Variants in ATMIN observed in about 807,000 individuals in gnomAD.
ATMIN encodes ATM INteracting protein.
Under a neutral mutation model 49.2 loss-of-function variants are expected in ATMIN, and 24 were observed. The observed-to-expected ratio is 0.49, with a 90% CI of 0.35 to 0.69. The LOEUF (loss-of-function observed/expected upper bound fraction) is 0.69. ATMIN is among the 30% of genes least tolerant of loss of function. ATMIN has a pLI of 0.00. For synonymous variants in ATMIN, 450 were observed against 392.5 expected, an observed-to-expected ratio of 1.15 and a Z score of -1.73; for missense variants, 1,037 against 1,005.5, an observed-to-expected ratio of 1.03 and a Z score of -0.42.
At chr16:81,042,242 T>C (rs199814840) in intron 2 of ATMIN, 39 bp from the exon 3 acceptor site, 64 of 1,579,950 alleles carry the variant, frequency 4.1e-5, no homozygotes, top group Admixed American at 5.0e-5. Flanking sequence ...TTTGACCAGT[T>C]GCTGTTTTTC....
chr16:81,047,102 TA>T lies in ATMIN; in HGVS notation c.*2135del, dbSNP rs1971134354. ...AAATTTGTTTCTGTGACAATGTTTGTAAATCTAGCCAATAGAGTCATTTACA... is the reference window on the plus strand; with the variant it reads ...AAATTTGTTTCTGTGACAATGTTTGTAATCTAGCCAATAGAGTCATTTACA... On this transcript the variant is annotated 3_prime_UTR_variant, in exon 4 of 4. Coordinates refer to ENST00000299575, the MANE Select transcript of ATMIN (RefSeq NM_015251.3). 1 of 152,662 alleles carries T rather than the reference TA, an allele frequency of 6.6e-6. No individual in the cohort carries two copies. Among genetic ancestry groups the T allele is most frequent in the South Asian group, 2.1e-4 (1 of 4,834 alleles). 9.5% of individuals were successfully genotyped at this position (152,662 alleles called of 1,614,324 possible).
chr16:81,045,487 G>GCCTGGA lies in ATMIN; in HGVS notation c.*521_*526dup, dbSNP rs1343837542. Reference sequence around the variant, plus strand: ...CTTCCATGCTCTTAAGACTCCTGCTGCCTGGACCTTCGTCAGCTTTGACAC... The same window carrying GCCTGGA: ...CTTCCATGCTCTTAAGACTCCTGCTGCCTGGACCTGGACCTTCGTCAGCTTTGACAC... On this transcript the variant is annotated 3_prime_UTR_variant, in exon 4 of 4. Transcript: ENST00000299575. 1 of 152,936 alleles carries GCCTGGA rather than the reference G, an allele frequency of 6.5e-6. No individual in the cohort carries two copies. The highest frequency in any genetic ancestry group is 1.9e-4 in the East Asian group (1 of 5,204). The allele number at this position is 152,936 out of a possible 1,614,324, so 9.5% of individuals were successfully genotyped here.
At position 81,043,233 on chromosome 16, in the gene ATMIN, A is replaced by G; in HGVS notation, c.735A>G (p.Glu245=). Residue 245 remains glutamate, a synonymous_variant, in exon 4 of 4, where the codon GAA becomes GAG. Transcript: ENST00000299575. The stretch of plus-strand genomic sequence containing the variant: ...AGAAGTTATCCAACAAGACCATTGA[A>G]TCATTGAACAACCAACCAATCCCTA... The part of the protein sequence containing the change: ...QNQKLSNKTI[E]SLNNQPIPRP... 6.2e-7 allele frequency: 1 copy of G among 1,614,150 alleles called. No homozygotes were observed. The highest frequency in any genetic ancestry group is 1.6e-4 in the Middle Eastern group (1 of 6,062).
chr16:81,040,355 G>C (rs1488640231), intron 1 of ATMIN, among the ~76,000 whole-genome samples: 1 of 152,156 alleles, frequency 6.6e-6, no homozygotes, highest in Non-Finnish European at 1.5e-5. Context: ...GTGCTGGTGA[G>C]TGGTGGGGTG....
Position 81,036,053 on chromosome 16 carries a change from C to T in ATMIN, c.183C>T (p.Pro61=), listed in dbSNP as rs1468033824. The part of the protein sequence containing the change: ...PAGATQQPAV[P]APPAGELIQP... ...GGGCGACGCAGCAGCCCGCTGTCCC[C>T]GCGCCGCCGGCGGGGGAGCTGATCC... is the stretch of plus-strand genomic sequence containing the variant. The change falls in exon 1 of 4, where the codon CCC becomes CCT. Residue 61 remains proline, a synonymous_variant. Transcript: ENST00000299575. 4.0e-6 allele frequency: 5 copies of T among 1,261,006 alleles called. No individual in the cohort carries two copies. The African/African-American group carries it at 4.6e-5, about 12-fold the overall frequency. 78.1% of individuals were successfully genotyped at this position (1,261,006 alleles called of 1,614,324 possible). A position where few individuals can be genotyped will look rare whatever the true frequency, so the allele number is the denominator to read the frequency against.
At position 81,045,019 on chromosome 16, in the gene ATMIN, G is replaced by C; in HGVS notation, c.*49G>C. On this transcript the variant is annotated 3_prime_UTR_variant, in exon 4 of 4. Coordinates refer to ENST00000299575, the MANE Select transcript of ATMIN (RefSeq NM_015251.3). ...GAAATGGCATCTACCATTTCCTCTG[G>C]ATTAAAACTACGGACTGGGGACAAC... 2.5e-6 allele frequency: 4 copies of C among 1,570,320 alleles called. No homozygotes were observed. The highest frequency in any genetic ancestry group is 3.5e-6 in the Non-Finnish European group (4 of 1,157,180).
In ATMIN at chr16:81,043,485, G is replaced by A; in HGVS notation, c.987G>A (p.Val329=). ...PTADSSAQPV[V]LGVDQGSATG... ...CCGACTCCTCAGCCCAGCCTGTGGT[G>A]TTAGGTGTTGATCAGGGCTCTGCCA... Residue 329 remains valine (V), a synonymous_variant, in exon 4 of 4, where the codon GTG becomes GTA. Transcript: ENST00000299575. 6.2e-7 allele frequency: 1 copy of A among 1,614,194 alleles called. No homozygotes were observed. The highest frequency in any genetic ancestry group is 2.2e-5 in the East Asian group (1 of 44,886).
chr16:81,041,245 T>C, intron 1 of ATMIN, 111 bp from the exon 2 acceptor site: 1 of 1,224,028 alleles, frequency 8.2e-7, no homozygotes, highest in South Asian at 1.5e-5. Context: ...GGAAAAACTC[T>C]TAATTAAAAG....
intron 1 of ATMIN, 91 bp from the exon 2 acceptor site, chr16:81,041,265 A>G (rs566517081): frequency 5.1e-6 from 7 of 1,385,478 alleles, no homozygotes; most frequent in Non-Finnish European, 6.9e-6. Context: ...GTATTTCACA[A>G]AATGTGCTCG....
At position 81,036,137 on chromosome 16, in the gene ATMIN, C is replaced by T. The variant is rs763108675; in HGVS notation, c.267C>T (p.Arg89=). 9 of 1,464,506 alleles carry T rather than the reference C, an allele frequency of 6.1e-6. No individual in the cohort carries two copies. Among genetic ancestry groups the T allele is most frequent in the East Asian group, 2.9e-5 (1 of 34,194 alleles). The allele number at this position is 1,464,506 out of a possible 1,614,324, so 90.7% of individuals were successfully genotyped here. Residue 89 remains arginine (R), a synonymous_variant, in exon 1 of 4, where the codon CGC becomes CGT. Transcript: ENST00000299575. ...GGACCAACATCCTGTGCACCGTGCG[C>T]GGCTGCGGCAAGATCCTGCCCAACA... is the stretch of plus-strand genomic sequence containing the variant. ...AVRTNILCTV[R]GCGKILPNSP...
At chr16:81,038,350 C>T (rs1275042767) in intron 1 of ATMIN, among the ~76,000 whole-genome samples, 16 of 152,094 alleles carry the variant, frequency 1.1e-4, no homozygotes, top group Admixed American at 7.9e-4. Flanking sequence ...AGGCTGGTCT[C>T]GAACTCCTGA....
Position 81,044,984 on chromosome 16 carries a change from G to C in ATMIN, c.*14G>C. The C allele has an allele frequency of 1.2e-6, 2 of 1,602,306 alleles. No homozygotes were observed. The highest frequency in any genetic ancestry group is 1.7e-6 in the Non-Finnish European group (2 of 1,172,626). ...TCCAACTTCTAAAACTAACGGTGGA[G>C]TCCATGTGTGAAATGGCATCTACCA... On this transcript the variant is annotated 3_prime_UTR_variant, in exon 4 of 4. Coordinates refer to ENST00000299575, the MANE Select transcript of ATMIN (RefSeq NM_015251.3).
chr16:81,043,654 G>A lies in ATMIN; in HGVS notation c.1156G>A (p.Val386Met), dbSNP rs1257361867. The change falls in exon 4 of 4, where the codon GTG (valine) becomes ATG (methionine). Residue 386 changes from valine to methionine, a missense_variant. Val to Met is a conservative substitution (Grantham distance 21). Coordinates refer to ENST00000299575, the MANE Select transcript of ATMIN (RefSeq NM_015251.3). ...AGEPISTGVQ[V>M]NFGKSPSNPL... ...TGAGCCAATAAGTACTGGTGTTCAAGTGAACTTTGGTAAAAGTCCATCTAA... is the reference window on the plus strand; with the variant it reads ...TGAGCCAATAAGTACTGGTGTTCAAATGAACTTTGGTAAAAGTCCATCTAA... 1.2e-6 allele frequency: 2 copies of A among 1,614,128 alleles called. No individual in the cohort carries two copies. Among genetic ancestry groups the A allele is most frequent in the African/African-American group, 2.7e-5 (2 of 74,942 alleles).
intron 3 of ATMIN, 144 bp from the exon 4 acceptor site, chr16:81,043,017 G>A: frequency 2.0e-6 from 2 of 985,982 alleles, no homozygotes; most frequent in Non-Finnish European, 2.9e-6. Context: ...TCCCAGAGTT[G>A]CGAAAGAATG....
intron 1 of ATMIN, chr16:81,040,467 G>T (rs1452671928): frequency 2.0e-5 from 3 of 152,156 alleles, no homozygotes; most frequent in African/African-American, 7.2e-5. Flanking sequence ...TCTTACCCAG[G>T]CATGATAGTT....
At chr16:81,038,029 C>T (rs952220504) in intron 1 of ATMIN, among the ~76,000 whole-genome samples, 1 of 152,148 alleles carries the variant, frequency 6.6e-6, no homozygotes, top group African/African-American at 2.4e-5. Flanking sequence ...GTTAGGAGCT[C>T]TAGCTCTTTA....
rs758299626 is a variant in ATMIN, at chr16:81,036,167, C to G, written c.297C>G (p.Pro99=). 3.4e-6 allele frequency: 5 copies of G among 1,475,256 alleles called. No individual in the cohort carries two copies. The highest frequency in any genetic ancestry group is 3.6e-6 in the Non-Finnish European group (4 of 1,107,944). 91.4% of individuals were successfully genotyped at this position (1,475,256 alleles called of 1,614,324 possible). ...GCGGCAAGATCCTGCCCAACAGCCCCGCGCTCAACATGCACCTAGTCAAGA... is the reference window on the plus strand; with the variant it reads ...GCGGCAAGATCCTGCCCAACAGCCCGGCGCTCAACATGCACCTAGTCAAGA... ...RGCGKILPNS[P]ALNMHLVKSH... is the part of the protein sequence containing the mutation. The change falls in exon 1 of 4, where the codon CCC becomes CCG. Residue 99 remains proline, a synonymous_variant. Transcript: ENST00000299575.
chr16:81,037,620 T>C (rs949633620), intron 1 of ATMIN: 2 of 546,938 alleles, frequency 3.7e-6, no homozygotes, highest in Non-Finnish European at 4.7e-6. Flanking sequence ...ATCCTTTTCT[T>C]CCCTATTGTT....
Position 81,036,155 on chromosome 16 carries a change from G to A in ATMIN, c.285G>A (p.Leu95=). Residue 95 remains leucine, a synonymous_variant, in exon 1 of 4, where the codon CTG becomes CTA. Coordinates refer to ENST00000299575, the MANE Select transcript of ATMIN (RefSeq NM_015251.3). ...CCGTGCGCGGCTGCGGCAAGATCCTGCCCAACAGCCCCGCGCTCAACATGC... is the reference window on the plus strand; with the variant it reads ...CCGTGCGCGGCTGCGGCAAGATCCTACCCAACAGCCCCGCGCTCAACATGC... The part of the protein sequence containing the change: ...LCTVRGCGKI[L]PNSPALNMHL... The A allele has an allele frequency of 6.8e-7, 1 of 1,472,962 alleles. No individual in the cohort carries two copies. Among genetic ancestry groups the A allele is most frequent in the African/African-American group, 1.5e-5 (1 of 68,444 alleles). The allele number at this position is 1,472,962 out of a possible 1,614,324, so 91.2% of individuals were successfully genotyped here.
Sources: allele counts gnomAD v4.1 joint callset (sites outside exome capture counted in the v4.1 genomes callset), GRCh38; gene constraint gnomAD v4.1.1; transcripts MANE v1.5; gene names NCBI Gene and HGNC (gene_info 2026-07-23, HGNC 2026-07-21).